The following DSCAML1 variants were observed in gnomAD, a reference collection of about 807,000 sequenced individuals.
The protein encoded by DSCAML1 is DS cell adhesion molecule like 1, also known as cell adhesion molecule DSCAML1.
A neutral mutation model predicts 200.5 loss-of-function variants in DSCAML1; 38 were observed. The observed-to-expected ratio is 0.19, with a 90% CI of 0.15 to 0.25. The LOEUF (loss-of-function observed/expected upper bound fraction) is 0.25, where lower values mean the gene tolerates loss of function less well. Among genes scored for constraint, DSCAML1 ranks in the 10% least tolerant of loss-of-function variants. The pLI is 1.00. For synonymous variants in DSCAML1, 1,215 were observed against 1,165.0 expected, an observed-to-expected ratio of 1.04 and a Z score of -0.87; for missense variants, 2,223 against 2,858.8, an observed-to-expected ratio of 0.78 and a Z score of 5.07.
chr11:117,796,486 T>C (rs1224564318), intron 1 of DSCAML1, among the ~76,000 whole-genome samples: 1 of 152,202 alleles, frequency 6.6e-6, no homozygotes, highest in Non-Finnish European at 1.5e-5. Context: ...GGACTCTCAC[T>C]ATCCCCACCC....
rs567731348 is a variant in DSCAML1, at chr11:117,624,941, T to C, written c.512-92419A>G. ...GGTGATGTTTGAACTTGTGTGCACA[T>C]TGGAATCACCCAAGGAGCTTCAAAA... On this transcript the variant is annotated intron_variant, in intron 3 of 32. Coordinates refer to ENST00000651296, the MANE Select transcript of DSCAML1 (RefSeq NM_020693.4). Among the ~76,000 whole-genome samples, 94 of 152,246 alleles carry C rather than the reference T, an allele frequency of 6.2e-4. 1 individual carries two copies. The highest frequency in any genetic ancestry group is 3.4e-3 in the Middle Eastern group (1 of 294).
chr11:117,692,767 G>A (rs573821794), intron 3 of DSCAML1, among the ~76,000 whole-genome samples: 16 of 152,276 alleles, frequency 1.1e-4, no homozygotes, highest in African/African-American at 3.1e-4. Flanking sequence ...TGACCTGCAC[G>A]GAGGTATTTA....
chr11:117,757,077 C>G (rs1160811498), intron 3 of DSCAML1, among the ~76,000 whole-genome samples: 1 of 152,032 alleles, frequency 6.6e-6, no homozygotes, highest in Non-Finnish European at 1.5e-5. Flanking sequence ...AGGAGGAGGA[C>G]CTACGGGTGG....
chr11:117,568,251 A>G (rs2050789128), intron 3 of DSCAML1, among the ~76,000 whole-genome samples: 1 of 152,184 alleles, frequency 6.6e-6, no homozygotes, highest in African/African-American at 2.4e-5. Context: ...TCTATGACAA[A>G]CCCACAGCCA....
At chr11:117,462,928 A>C (rs1241040724) in intron 17 of DSCAML1, among the ~76,000 whole-genome samples, 2 of 152,170 alleles carry the variant, frequency 1.3e-5, no homozygotes, top group East Asian at 3.9e-4. Context: ...GCCTGTGCTG[A>C]TCTCTCCCTG....
chr11:117,578,419 C>G (rs996657463), intron 3 of DSCAML1, among the ~76,000 whole-genome samples: 39 of 152,208 alleles, frequency 2.6e-4, no homozygotes, highest in African/African-American at 8.7e-4. Context: ...GCCTGTAATT[C>G]TACCACTTTG....
intron 3 of DSCAML1, among the ~76,000 whole-genome samples, chr11:117,553,492 C>A (rs890581710): frequency 1.3e-5 from 2 of 152,090 alleles, no homozygotes; most frequent in African/African-American, 4.8e-5. Context: ...TAGACAGTTC[C>A]CCAAAGAAGA....
chr11:117,461,547 G>A lies in DSCAML1; in HGVS notation c.3315C>T (p.Asp1105=), dbSNP rs753645055. 1.6e-4 allele frequency: 261 copies of A among 1,613,988 alleles called. No individual in the cohort carries two copies. Among genetic ancestry groups the A allele is most frequent in the Middle Eastern group, 3.3e-4 (2 of 6,084 alleles). The change falls in exon 18 of 33, where the codon GAC becomes GAT. Residue 1105 remains aspartate, a synonymous_variant. Coordinates refer to ENST00000651296, the MANE Select transcript of DSCAML1 (RefSeq NM_020693.4). ...GCTCTGACCAGGAGATGACGGCCAC[G>A]TCAGAAGTGATGGACAGGGCCCGGA... is the stretch of plus-strand genomic sequence containing the variant. ...ENVRALSITS[D]VAVISWSEPP... is the part of the protein sequence containing the mutation.
chr11:117,448,512 C>CG (rs1463964728), intron 20 of DSCAML1, among the ~76,000 whole-genome samples: 1 of 151,818 alleles, frequency 6.6e-6, no homozygotes, highest in African/African-American at 2.4e-5. Flanking sequence ...CAGTGTCTGA[C>CG]GGGAGTGAGG....
intron 4 of DSCAML1, among the ~76,000 whole-genome samples, chr11:117,532,153 G>GGAAAAA (rs58991882): frequency 0.14 from 21,548 of 150,394 alleles, 2,012 homozygotes; most frequent in East Asian, 0.27. Context: ...GAAAAAAAAG[G>GGAAAAA]GAAAAAGAGG....
intron 3 of DSCAML1, among the ~76,000 whole-genome samples, chr11:117,710,134 TG>T (rs2053821591): frequency 6.6e-6 from 1 of 152,160 alleles, no homozygotes; most frequent in African/African-American, 2.4e-5. Context: ...GTTTATGGGG[TG>T]GATATTTCAT....
At chr11:117,568,882 G>A (rs1392559490) in intron 3 of DSCAML1, among the ~76,000 whole-genome samples, 1 of 152,092 alleles carries the variant, frequency 6.6e-6, no homozygotes, top group South Asian at 2.1e-4. Flanking sequence ...TAAAGTTCAT[G>A]TGGAACCAAA....
At chr11:117,517,951 T>C (rs757635584) in intron 7 of DSCAML1, among the ~76,000 whole-genome samples, 3 of 151,978 alleles carry the variant, frequency 2.0e-5, no homozygotes, top group Non-Finnish European at 4.4e-5. Flanking sequence ...CGGGAGAAGA[T>C]GGTGCCCTGG....
At chr11:117,803,528 GATC>G (rs1020566489) in intron 1 of DSCAML1, among the ~76,000 whole-genome samples, 18 of 151,688 alleles carry the variant, frequency 1.2e-4, no homozygotes, top group African/African-American at 4.4e-4. Flanking sequence ...ATATATTAAT[GATC>G]ATATTTGTAT....
At chr11:117,744,391 G>C (rs917615089) in intron 3 of DSCAML1, among the ~76,000 whole-genome samples, 7 of 152,244 alleles carry the variant, frequency 4.6e-5, no homozygotes, top group African/African-American at 1.7e-4. Context: ...TGCAGGGCAG[G>C]GTGGGGCCTG....
At chr11:117,807,667 G>A (rs57211591) in intron 1 of DSCAML1, among the ~76,000 whole-genome samples, 4,248 of 152,292 alleles carry the variant, frequency 0.028, 182 homozygotes, top group African/African-American at 0.09. Context: ...ATGGCCAGCA[G>A]GTGTCGCCCA....
intron 3 of DSCAML1, among the ~76,000 whole-genome samples, chr11:117,544,596 G>A (rs2050336164): frequency 6.6e-6 from 1 of 152,110 alleles, no homozygotes; most frequent in African/African-American, 2.4e-5. Flanking sequence ...GCCTGGGTTT[G>A]AAAAAACCAA....
chr11:117,441,674 G>C (rs891810958), intron 21 of DSCAML1, among the ~76,000 whole-genome samples: 23 of 152,124 alleles, frequency 1.5e-4, no homozygotes, highest in Non-Finnish European at 3.1e-4. Context: ...GGGGTGGAGG[G>C]AGAGTGAGAG....
chr11:117,433,013 G>GTGGTTGAA lies in DSCAML1; in HGVS notation c.5026+124_5026+125insTTCAACCA, dbSNP rs2047834540. On this transcript the variant is annotated intron_variant, in intron 29 of 32. Coordinates refer to ENST00000651296, the MANE Select transcript of DSCAML1 (RefSeq NM_020693.4). ...CCACAGTGAGTTCTAAGGTTGTTGA[G>GTGGTTGAA]TGGTTGATGGGGCTACTGCCAGAAC... 28 of 785,100 alleles carry GTGGTTGAA rather than the reference G, an allele frequency of 3.6e-5. No homozygotes were observed. The South Asian group carries it at 3.8e-4, about 11-fold the overall frequency. The allele number at this position is 785,100 out of a possible 1,614,324, so 48.6% of individuals were successfully genotyped here. A position where few individuals can be genotyped will look rare whatever the true frequency, so the allele number is the denominator to read the frequency against.
Sources: gnomAD v4.1 joint callset for allele counts (sites outside exome capture counted in the v4.1 genomes callset) on GRCh38, gnomAD v4.1.1 for gene constraint, MANE v1.5 for transcripts, NCBI Gene and HGNC (gene_info 2026-07-23, HGNC 2026-07-21) for gene names.